Variants in UBTD2 observed in about 807,000 individuals in gnomAD.
The protein encoded by UBTD2 is ubiquitin domain containing 2.
A neutral mutation model predicts 19.8 loss-of-function variants in UBTD2; 9 were observed. That is an observed-to-expected ratio of 0.46 (90% CI 0.27 to 0.79). UBTD2 has a LOEUF of 0.79. UBTD2 is among the 30% of genes least tolerant of loss of function. The pLI is 0.14. For synonymous variants in UBTD2, 98 were observed against 103.9 expected (o/e 0.94, Z 0.35); for missense variants, 250 against 300.4 (o/e 0.83, Z 1.24).
At chr5:172,254,649 G>C (rs572050580) in intron 1 of UBTD2, 2 of 603,800 alleles carry the variant, frequency 3.3e-6, no homozygotes, top group South Asian at 4.0e-5. Context: ...CCTCCACTTC[G>C]AGTATCCGGG....
At chr5:172,228,673 A>C (rs926863965) in intron 2 of UBTD2, among the ~76,000 whole-genome samples, 3 of 152,010 alleles carry the variant, frequency 2.0e-5, no homozygotes, top group African/African-American at 7.2e-5. Context: ...GTGAGCTAAG[A>C]TCGCACCACT....
At chr5:172,279,748 C>T (rs1419107857) in intron 1 of UBTD2, among the ~76,000 whole-genome samples, 1 of 152,206 alleles carries the variant, frequency 6.6e-6, no homozygotes, top group East Asian at 1.9e-4. Flanking sequence ...GATTTAATTC[C>T]TTAGCAAATG....
At chr5:172,251,618 A>C (rs1755021698) in intron 1 of UBTD2, among the ~76,000 whole-genome samples, 1 of 124,936 alleles carries the variant, frequency 8.0e-6, no homozygotes, top group South Asian at 3.1e-4. Context: ...GTATGTTCAA[A>C]GTGCAATGAA....
chr5:172,247,391 C>G (rs1754902699), intron 1 of UBTD2, among the ~76,000 whole-genome samples: 1 of 151,876 alleles, frequency 6.6e-6, no homozygotes, highest in African/African-American at 2.4e-5. Flanking sequence ...GTGGCTCACA[C>G]CTGTAATCCC....
intron 1 of UBTD2, among the ~76,000 whole-genome samples, chr5:172,262,681 G>A (rs1358689501): frequency 6.6e-6 from 1 of 151,760 alleles, no homozygotes; most frequent in Non-Finnish European, 1.5e-5. Flanking sequence ...CAGGCGTGGT[G>A]GCACGTGCCT....
rs951093472 is a variant in UBTD2, at chr5:172,247,374, G to A, written c.71-13016C>T. Reference sequence around the variant, plus strand: ...GAGAGAATTACAGAAGAAACAGGCCGGGTGCAGTGGCTCACACCTGTAATC... The same window carrying A: ...GAGAGAATTACAGAAGAAACAGGCCAGGTGCAGTGGCTCACACCTGTAATC... On this transcript the variant is annotated intron_variant, in intron 1 of 2. Transcript: ENST00000393792. 7.9e-5 allele frequency among the ~76,000 whole-genome samples: 12 copies of A among 151,906 alleles called. 1 individual carries two copies. The highest frequency in any genetic ancestry group is 6.2e-4 in the South Asian group (3 of 4,814).
chr5:172,213,135 C>T (rs1289640498), intron 2 of UBTD2, among the ~76,000 whole-genome samples: 2 of 151,474 alleles, frequency 1.3e-5, no homozygotes, highest in African/African-American at 4.9e-5. Flanking sequence ...GGATTACAGG[C>T]GCACACCACC....
intron 1 of UBTD2, among the ~76,000 whole-genome samples, chr5:172,263,040 C>G (rs1184368255): frequency 2.0e-5 from 3 of 151,960 alleles, no homozygotes; most frequent in Non-Finnish European, 4.4e-5. Context: ...TCCGGGCGAG[C>G]GATCCTCCCA....
At chr5:172,218,366 T>C (rs1391375589) in intron 2 of UBTD2, among the ~76,000 whole-genome samples, 2 of 151,808 alleles carry the variant, frequency 1.3e-5, no homozygotes, top group Admixed American at 1.3e-4. Context: ...AGCAGAAATA[T>C]CTAAAATCAA....
chr5:172,221,913 T>C (rs1771659777), intron 2 of UBTD2, among the ~76,000 whole-genome samples: 1 of 152,076 alleles, frequency 6.6e-6, no homozygotes, highest in Non-Finnish European at 1.5e-5. Flanking sequence ...ACTCTAATGG[T>C]GAATGTTGAT....
intron 2 of UBTD2, among the ~76,000 whole-genome samples, chr5:172,221,767 T>G (rs1164046613): frequency 6.6e-6 from 1 of 152,150 alleles, no homozygotes; most frequent in Non-Finnish European, 1.5e-5. Flanking sequence ...TATGATACTA[T>G]TAATGATGGA....
intron 1 of UBTD2, among the ~76,000 whole-genome samples, chr5:172,253,079 G>C (rs1472761947): frequency 6.6e-6 from 1 of 152,060 alleles, no homozygotes; most frequent in Admixed American, 6.6e-5. Flanking sequence ...ACCCAGGCTG[G>C]AGTGTAGTGG....
chr5:172,246,383 A>G (rs888653609), intron 1 of UBTD2, among the ~76,000 whole-genome samples: 1 of 151,824 alleles, frequency 6.6e-6, no homozygotes, highest in Non-Finnish European at 1.5e-5. Context: ...AAATCCAATC[A>G]TATCAGTCAC....
intron 1 of UBTD2, among the ~76,000 whole-genome samples, chr5:172,267,568 A>T (rs1581232462): frequency 6.6e-6 from 1 of 152,296 alleles, no homozygotes; most frequent in African/African-American, 2.4e-5. Flanking sequence ...CTCGGAGAAA[A>T]TATAACTTAA....
chr5:172,237,157 C>A (rs1018720687), intron 1 of UBTD2, among the ~76,000 whole-genome samples: 1 of 152,106 alleles, frequency 6.6e-6, no homozygotes, highest in Admixed American at 6.6e-5. Flanking sequence ...TGCACTGGTG[C>A]AACCCGACTC....
At chr5:172,248,646 C>T (rs569675024) in intron 1 of UBTD2, among the ~76,000 whole-genome samples, 29 of 151,420 alleles carry the variant, frequency 1.9e-4, no homozygotes, top group African/African-American at 6.5e-4. Flanking sequence ...CCTGTAATCC[C>T]AGACACTCAG....
At chr5:172,231,884 G>T (rs1386969572) in intron 2 of UBTD2, among the ~76,000 whole-genome samples, 1 of 152,056 alleles carries the variant, frequency 6.6e-6, no homozygotes, top group Non-Finnish European at 1.5e-5. Context: ...AACTGAAAAA[G>T]GTAAATGGAC....
chr5:172,248,290 A>G (rs1364595966), intron 1 of UBTD2, among the ~76,000 whole-genome samples: 1 of 152,152 alleles, frequency 6.6e-6, no homozygotes. Context: ...AGGTAAAAGA[A>G]CATAAAGACT....
intron 1 of UBTD2, among the ~76,000 whole-genome samples, chr5:172,274,344 T>C (rs1265418775): frequency 6.6e-6 from 1 of 151,972 alleles, no homozygotes; most frequent in African/African-American, 2.4e-5. Context: ...TTTCACCATG[T>C]TGGCCAGGAT....
Sources: allele counts gnomAD v4.1 joint callset (sites outside exome capture counted in the v4.1 genomes callset), GRCh38; gene constraint gnomAD v4.1.1; transcripts MANE v1.5; gene names NCBI Gene and HGNC (gene_info 2026-07-23, HGNC 2026-07-21).